The following HCRTR2 variants were observed in gnomAD, a reference collection of about 807,000 sequenced individuals.
The protein encoded by HCRTR2 is orexin receptor type 2.
Under a neutral mutation model 49.0 loss-of-function variants are expected in HCRTR2, and 22 were observed. The ratio of observed to expected loss-of-function variants is 0.45; its 90% CI spans 0.32 to 0.64. HCRTR2 has a LOEUF of 0.64. Ranked by LOEUF, HCRTR2 falls within the 30% of genes least tolerant of loss-of-function variation. The pLI is 0.04. For synonymous variants in HCRTR2, 236 were observed against 205.3 expected, an observed-to-expected ratio of 1.15 and a Z score of -1.28; for missense variants, 491 against 559.4, an observed-to-expected ratio of 0.88 and a Z score of 1.23.
chr6:55,125,123 A>G (rs1764255503), intron 1 of HCRTR2, among the ~76,000 whole-genome samples: 1 of 152,170 alleles, frequency 6.6e-6, no homozygotes, highest in Non-Finnish European at 1.5e-5. Flanking sequence ...TTTAAGGTTA[A>G]TATTGTTATG....
chr6:55,272,462 T>A (rs573856512), intron 4 of HCRTR2, among the ~76,000 whole-genome samples: 1 of 152,266 alleles, frequency 6.6e-6, no homozygotes, highest in African/African-American at 2.4e-5. Context: ...ACTCTGTGAA[T>A]ATTCTAAAAA....
intron 1 of HCRTR2, among the ~76,000 whole-genome samples, chr6:55,239,288 G>C (rs9464214): frequency 6.6e-6 from 1 of 152,176 alleles, no homozygotes; most frequent in Non-Finnish European, 1.5e-5. Flanking sequence ...GGCAGCTCTT[G>C]GTGCCAGAAG....
intron 5 of HCRTR2, 42 bp downstream of exon 5, chr6:55,277,642 T>G: frequency 7.0e-7 from 1 of 1,436,478 alleles, no homozygotes; most frequent in Non-Finnish European, 9.7e-7. Context: ...AGCCTGCCTT[T>G]TCTTGATTCT....
intron 1 of HCRTR2, among the ~76,000 whole-genome samples, chr6:55,125,444 A>G (rs1027988917): frequency 3.9e-5 from 6 of 152,186 alleles, no homozygotes; most frequent in African/African-American, 1.4e-4. Flanking sequence ...ATTGGCCTCC[A>G]CTGTCTTCTG....
In HCRTR2 at chr6:55,108,538, G is replaced by A. The variant is rs114756457; in HGVS notation, c.-378+1993G>A. On this transcript the variant is annotated intron_variant, in intron 1 of 7. Coordinates refer to the HCRTR2 transcript ENST00000615358. ...TTCTAGGTAAGGTTAAATCCTTCTA[G>A]GTTAAATCCTTCATGAGAGAGAAGG... Among the ~76,000 whole-genome samples, 600 of 151,664 alleles carry A rather than the reference G, an allele frequency of 4.0e-3. 3 individuals are homozygous for A. The highest frequency in any genetic ancestry group is 0.029 in the South Asian group (141 of 4,792).
chr6:55,253,736 A>G (rs1030289019), intron 2 of HCRTR2, among the ~76,000 whole-genome samples: 3 of 152,168 alleles, frequency 2.0e-5, no homozygotes, highest in Non-Finnish European at 4.4e-5. Flanking sequence ...AGCAACATGA[A>G]AGGTGCTGGA....
chr6:55,149,185 A>AT (rs1369463411), intron 1 of HCRTR2, among the ~76,000 whole-genome samples: 1 of 151,720 alleles, frequency 6.6e-6, no homozygotes, highest in Non-Finnish European at 1.5e-5. Flanking sequence ...AAGCTGTTTT[A>AT]TTTTTTTTCT....
intron 1 of HCRTR2, among the ~76,000 whole-genome samples, chr6:55,192,650 A>G (rs567436798): frequency 1.3e-5 from 2 of 152,328 alleles, no homozygotes; most frequent in South Asian, 2.1e-4. Context: ...TTGTATTTAC[A>G]TAGAACATTG....
At chr6:55,217,642 T>A (rs2127294434) in intron 1 of HCRTR2, among the ~76,000 whole-genome samples, 1 of 152,314 alleles carries the variant, frequency 6.6e-6, no homozygotes. Flanking sequence ...TGAAACCTCA[T>A]AACGGCCTTC....
intron 1 of HCRTR2, among the ~76,000 whole-genome samples, chr6:55,185,383 A>G (rs1765199803): frequency 6.6e-6 from 1 of 152,250 alleles, no homozygotes; most frequent in Non-Finnish European, 1.5e-5. Context: ...CCTAGTTTAT[A>G]GACGTATGTG....
Position 55,277,233 on chromosome 6 carries a change from C to G in HCRTR2, c.763-147C>G, listed in dbSNP as rs978327502. On this transcript the variant is annotated intron_variant, in intron 4 of 6. Transcript: ENST00000370862. The stretch of plus-strand genomic sequence containing the variant: ...ATTAACGCCAAGCACATACTAAGGT[C>G]AGCAAATGCTCTGGAGAAACAGGCG... 1.0e-5 allele frequency: 7 copies of G among 696,798 alleles called. No homozygotes were observed. The South Asian group carries it at 1.1e-4, about 11-fold the overall frequency. 43.2% of individuals were successfully genotyped at this position (696,798 alleles called of 1,614,324 possible).
rs113547798 is a variant in HCRTR2, at chr6:55,190,722, A to C, written c.223+15912A>C. 2.2e-3 allele frequency among the ~76,000 whole-genome samples: 339 copies of C among 152,284 alleles called. 3 individuals carry two copies. The highest frequency in any genetic ancestry group is 7.3e-3 in the African/African-American group (304 of 41,568). ...GTAAATCATCACAGCTACATTTTTT[A>C]AAATCTTAAAAAGGATTACTTTGAA... On this transcript the variant is annotated intron_variant, in intron 1 of 6. Transcript: ENST00000370862.
chr6:55,112,010 A>G (rs1764054744), intron 1 of HCRTR2, among the ~76,000 whole-genome samples: 1 of 152,110 alleles, frequency 6.6e-6, no homozygotes, highest in South Asian at 2.1e-4. Context: ...AATAAATGTG[A>G]TGCACCACAT....
intron 4 of HCRTR2, among the ~76,000 whole-genome samples, chr6:55,265,086 C>G (rs947322252): frequency 6.6e-6 from 1 of 151,972 alleles, no homozygotes; most frequent in East Asian, 1.9e-4. Flanking sequence ...GAAGTCATTT[C>G]TTTTATGACC....
At chr6:55,191,128 G>A (rs1765308490) in intron 1 of HCRTR2, among the ~76,000 whole-genome samples, 1 of 151,986 alleles carries the variant, frequency 6.6e-6, no homozygotes, top group East Asian at 1.9e-4. Context: ...CAAAGATGTG[G>A]GAACCCAAAA....
chr6:55,160,017 AC>A (rs761642513), intron 1 of HCRTR2, among the ~76,000 whole-genome samples: 4 of 152,112 alleles, frequency 2.6e-5, no homozygotes, highest in Non-Finnish European at 5.9e-5. Flanking sequence ...GAGAAAAACA[AC>A]CCCAAGACAC....
chr6:55,134,960 G>C (rs1279612926), intron 1 of HCRTR2, among the ~76,000 whole-genome samples: 1 of 151,948 alleles, frequency 6.6e-6, no homozygotes, highest in Non-Finnish European at 1.5e-5. Flanking sequence ...ATGGAGTGCA[G>C]ATATTTCTTC....
At chr6:55,178,506 C>A (rs1245087096) in intron 1 of HCRTR2, among the ~76,000 whole-genome samples, 1 of 152,122 alleles carries the variant, frequency 6.6e-6, no homozygotes, top group African/African-American at 2.4e-5. Context: ...TAAAGGGACA[C>A]AGGCATATAC....
intron 1 of HCRTR2, among the ~76,000 whole-genome samples, chr6:55,108,336 G>T (rs1358298166): frequency 6.6e-5 from 10 of 152,064 alleles, no homozygotes. Context: ...ACTACCACAG[G>T]AACATACCAG....
Sources: allele counts gnomAD v4.1 joint callset (sites outside exome capture counted in the v4.1 genomes callset), GRCh38; gene constraint gnomAD v4.1.1; transcripts MANE v1.5; gene names NCBI Gene and HGNC (gene_info 2026-07-23, HGNC 2026-07-21).